Variants in PHF2 observed in about 807,000 individuals in gnomAD.
PHF2 encodes lysine-specific demethylase PHF2.
A neutral mutation model predicts 120.5 loss-of-function variants in PHF2; 27 were observed. The ratio of observed to expected loss-of-function variants is 0.22; its 90% CI spans 0.17 to 0.31. The LOEUF (loss-of-function observed/expected upper bound fraction) is 0.31. Among genes scored for constraint, PHF2 ranks in the 10% least tolerant of loss-of-function variants. The pLI is 1.00. For synonymous variants in PHF2, 568 were observed against 592.5 expected (o/e 0.96, Z 0.60); for missense variants, 1,024 against 1,434.8 (o/e 0.71, Z 4.63).
chr9:93,663,675 A>C (rs777103563), intron 14 of PHF2, 40 bp downstream of exon 14: 1 of 1,141,338 alleles, frequency 8.8e-7, no homozygotes, highest in East Asian at 2.3e-5. Flanking sequence ...CCTCGCGCAT[A>C]ACCGACATCA....
intron 14 of PHF2, among the ~76,000 whole-genome samples, chr9:93,664,258 C>T (rs955710153): frequency 3.3e-5 from 5 of 152,002 alleles, no homozygotes; most frequent in South Asian, 2.1e-4. Context: ...CTCCTGGAGA[C>T]GGCACTGAGC....
chr9:93,596,177 A>G (rs1272008281), intron 1 of PHF2, among the ~76,000 whole-genome samples: 1 of 152,088 alleles, frequency 6.6e-6, no homozygotes, highest in East Asian at 1.9e-4. Flanking sequence ...GTCCAGCATG[A>G]TACTCTGCAC....
Position 93,676,934 on chromosome 9 carries a change from C to G in PHF2, c.3173C>G (p.Ser1058Trp). The G allele has an allele frequency of 1.3e-6, 2 of 1,568,786 alleles. No homozygotes were observed. Among genetic ancestry groups the G allele is most frequent in the Non-Finnish European group, 1.7e-6 (2 of 1,154,334 alleles). Residue 1058 changes from serine to tryptophan, a missense_variant, in exon 21 of 22, where the codon TCG (serine) becomes TGG (tryptophan). By Grantham distance (177) the Ser-to-Trp change is radical. Coordinates refer to ENST00000359246, the MANE Select transcript of PHF2 (RefSeq NM_005392.4). ...CTCACACAGAGGCGGCCCTCCGCAT[C>G]GTCTCCAAACAACAACACCGCTGCC... ...VFLTQRRPSA[S>W]SPNNNTAAKG...
chr9:93,598,647 C>T lies in PHF2; in HGVS notation c.98+21776C>T, dbSNP rs529986656. On this transcript the variant is annotated intron_variant, in intron 1 of 21. Coordinates refer to ENST00000359246, the MANE Select transcript of PHF2 (RefSeq NM_005392.4). ...CGTGAGTATCAGGGCGGGGGTTCACCCTGGCAGGCCCCACTGAGGAGGGGC... is the reference window on the plus strand; with the variant it reads ...CGTGAGTATCAGGGCGGGGGTTCACTCTGGCAGGCCCCACTGAGGAGGGGC... Among the ~76,000 whole-genome samples, 4 of 152,184 alleles carry T rather than the reference C, an allele frequency of 2.6e-5. No homozygotes were observed. In the South Asian group the frequency reaches 8.3e-4, roughly 32 times the overall value.
intron 1 of PHF2, among the ~76,000 whole-genome samples, chr9:93,577,169 C>T (rs1214249928): frequency 2.7e-5 from 4 of 150,030 alleles, no homozygotes; most frequent in Non-Finnish European, 4.5e-5. Flanking sequence ...GAAGTTGGGG[C>T]TCCAGGCCCG....
chr9:93,608,010 AAGG>A (rs1825573141), intron 1 of PHF2, among the ~76,000 whole-genome samples: 2 of 37,966 alleles, frequency 5.3e-5, no homozygotes, highest in Non-Finnish European at 1.3e-4. Flanking sequence ...AGAGAGAGAG[AAGG>A]AAAGGAGGAA....
chr9:93,585,067 C>T (rs925809819), intron 1 of PHF2, among the ~76,000 whole-genome samples: 1 of 152,118 alleles, frequency 6.6e-6, no homozygotes. Context: ...TTTTTGTAAT[C>T]ACCTTTTAAT....
chr9:93,635,672 G>C lies in PHF2; in HGVS notation c.185-739G>C, dbSNP rs115283500. Among the ~76,000 whole-genome samples the C allele has an allele frequency of 3.8e-3, 582 of 152,320 alleles. 8 individuals are homozygous for C. Among genetic ancestry groups the C allele is most frequent in the African/African-American group, 0.014 (563 of 41,562 alleles). On this transcript the variant is annotated intron_variant, in intron 2 of 21. Transcript: ENST00000359246. ...GCATAGGGCTTGTGGTCCAGTAGGGGTGTGTGCATGTATATGTACATATGT... is the reference window on the plus strand; with the variant it reads ...GCATAGGGCTTGTGGTCCAGTAGGGCTGTGTGCATGTATATGTACATATGT...
Position 93,660,207 on chromosome 9 carries a change from G to A in PHF2, c.1345G>A (p.Val449Ile), listed in dbSNP as rs10992837. ...IRLSENASKA[V>I]RPEVNTVASS... ...TGTATCCCAGAATGCCTCCAAAGCC[G>A]TCCGACCGGAAGTGAATACTGTCGC... The change falls in exon 12 of 22, where the codon GTC becomes ATC. Residue 449 changes from valine (V) to isoleucine (I), a missense_variant. By Grantham distance (29) the Val-to-Ile change is conservative. Around this residue, in one of 2 missense-constraint regions of PHF2, gnomAD observed 677 missense variants for 857.4 expected, o/e 0.79. Transcript: ENST00000359246. 4,142 of 1,567,442 alleles carry A rather than the reference G, an allele frequency of 2.6e-3. 91 individuals are homozygous for A. In the African/African-American group the frequency reaches 0.05, roughly 19 times the overall value.
At chr9:93,651,817 T>A (rs1826374536) in intron 5 of PHF2, among the ~76,000 whole-genome samples, 1 of 152,032 alleles carries the variant, frequency 6.6e-6, no homozygotes, top group African/African-American at 2.4e-5. Flanking sequence ...AGAAGGACGT[T>A]TGAGGGTGTG....
intron 2 of PHF2, among the ~76,000 whole-genome samples, chr9:93,634,521 A>C (rs138965661): frequency 6.6e-6 from 1 of 152,182 alleles, no homozygotes; most frequent in Non-Finnish European, 1.5e-5. Context: ...ATACTCAGTG[A>C]GTGCTTGCAA....
rs576854732 is a variant in PHF2 at position 93,610,039 on chromosome 9, T to C, written c.99-19931T>C. Among the ~76,000 whole-genome samples, 3 of 150,342 alleles carry C rather than the reference T, an allele frequency of 2.0e-5. No homozygotes were observed. The East Asian group carries it at 5.9e-4, about 30-fold the overall frequency. On this transcript the variant is annotated intron_variant, in intron 1 of 21. Transcript: ENST00000359246. ...TATTCTTTTTGTGTTTGATTTTTTTTTGCGGTTTGAATGTGATATGCCTAG... is the reference window on the plus strand; with the variant it reads ...TATTCTTTTTGTGTTTGATTTTTTTCTGCGGTTTGAATGTGATATGCCTAG...
At chr9:93,586,112 C>G (rs1863039392) in intron 1 of PHF2, among the ~76,000 whole-genome samples, 1 of 152,242 alleles carries the variant, frequency 6.6e-6, no homozygotes, top group East Asian at 1.9e-4. Flanking sequence ...TGCACATTGC[C>G]TGGAGAAGGG....
At chr9:93,646,275 C>T (rs1455431086) in intron 4 of PHF2, among the ~76,000 whole-genome samples, 2 of 152,234 alleles carry the variant, frequency 1.3e-5, no homozygotes, top group Non-Finnish European at 2.9e-5. Context: ...TTTCATGTCC[C>T]CTTGCAGCTC....
At chr9:93,593,106 A>AAAGG (rs1564373971) in intron 1 of PHF2, among the ~76,000 whole-genome samples, 2 of 22,922 alleles carry the variant, frequency 8.7e-5, no homozygotes, top group African/African-American at 1.6e-4. Context: ...AAAAAAAAAA[A>AAAGG]AAAAAGAAAA....
rs1826245918 is a variant in PHF2 at position 93,645,701 on chromosome 9, C to CACGGCTTCACT, written c.372_373insACGGCTTCACT (p.Glu125ThrfsTer41). ...GCTACATGGAGGAGCACGGCTTCAC[C>CACGGCTTCACT]GAGCCCATCCTCGTCCCTAAGAAAG... On this transcript the variant is annotated frameshift_variant, in exon 4 of 22. Coordinates refer to ENST00000359246, the MANE Select transcript of PHF2 (RefSeq NM_005392.4). LOFTEE classifies it high-confidence loss of function. 1 of 1,612,182 alleles carries CACGGCTTCACT rather than the reference C, an allele frequency of 6.2e-7. No homozygotes were observed. The highest frequency in any genetic ancestry group is 8.5e-7 in the Non-Finnish European group (1 of 1,179,362).
chr9:93,631,824 G>A (rs1223113436), intron 2 of PHF2, among the ~76,000 whole-genome samples: 2 of 152,114 alleles, frequency 1.3e-5, no homozygotes, highest in Admixed American at 6.5e-5. Flanking sequence ...GGATGCTGGG[G>A]TGGCGTTGCT....
chr9:93,625,547 G>A (rs1825901406), intron 1 of PHF2, among the ~76,000 whole-genome samples: 2 of 141,070 alleles, frequency 1.4e-5, no homozygotes, highest in African/African-American at 2.7e-5. Context: ...GCACAGTCTC[G>A]GCTCACTGCA....
intron 1 of PHF2, among the ~76,000 whole-genome samples, chr9:93,628,901 CT>C (rs993346097): frequency 1.3e-5 from 2 of 151,410 alleles, no homozygotes; most frequent in Admixed American, 6.6e-5. Flanking sequence ...TCTCACGTCA[CT>C]TTTTTTTTGT....
Sources: gnomAD v4.1 joint callset for allele counts (sites outside exome capture counted in the v4.1 genomes callset) on GRCh38, gnomAD v4.1.1 for gene constraint, gnomAD v4.1.1 regional missense constraint, MANE v1.5 for transcripts, NCBI Gene and HGNC (gene_info 2026-07-23, HGNC 2026-07-21) for gene names.